SLC8A1: variants seen among roughly 807,000 people sequenced by gnomAD.
The protein encoded by SLC8A1 is solute carrier family 8 member A1, also known as sodium/calcium exchanger 1.
A neutral mutation model predicts 68.3 loss-of-function variants in SLC8A1; 18 were observed. The observed-to-expected ratio is 0.26, with a 90% CI of 0.18 to 0.39. The LOEUF (loss-of-function observed/expected upper bound fraction) is 0.39. Ranked by LOEUF, SLC8A1 falls within the 10% of genes least tolerant of loss-of-function variation. The pLI, the probability that SLC8A1 is intolerant of heterozygous loss-of-function variation, is 1.00. For missense variants in SLC8A1, 985 were observed against 1,156.7 expected, an observed-to-expected ratio of 0.85 and a Z score of 2.15; for synonymous variants, 475 against 415.5, an observed-to-expected ratio of 1.14 and a Z score of -1.74.
intron 2 of SLC8A1, among the ~76,000 whole-genome samples, chr2:40,328,816 A>G (rs372441233): frequency 1.5e-4 from 23 of 152,158 alleles, no homozygotes; most frequent in African/African-American, 5.1e-4. Flanking sequence ...CACCTGGACT[A>G]TTGCAAGGGC....
chr2:40,325,639 A>AT, intron 2 of SLC8A1, among the ~76,000 whole-genome samples: 1 of 152,122 alleles, frequency 6.6e-6, no homozygotes, highest in Non-Finnish European at 1.5e-5. Context: ...GATTTCAGTC[A>AT]TAAAAAATAA....
At chr2:40,355,484 G>A (rs1672384535) in intron 2 of SLC8A1, among the ~76,000 whole-genome samples, 1 of 152,084 alleles carries the variant, frequency 6.6e-6, no homozygotes, top group African/African-American at 2.4e-5. Context: ...GGGAGAGACA[G>A]CACTTCTATC....
chr2:40,482,309 G>A (rs1251188248), intron 1 of SLC8A1, among the ~76,000 whole-genome samples: 1 of 143,828 alleles, frequency 7.0e-6, no homozygotes, highest in Non-Finnish European at 1.6e-5. Context: ...CTCTGACTCA[G>A]TGCAGAACTG....
chr2:40,442,352 C>G (rs1311330967), intron 1 of SLC8A1, among the ~76,000 whole-genome samples: 3 of 146,042 alleles, frequency 2.1e-5, no homozygotes, highest in Non-Finnish European at 4.5e-5. Context: ...TCTACCCAAT[C>G]TGACAAAGGT....
intron 1 of SLC8A1, among the ~76,000 whole-genome samples, chr2:40,442,084 G>A (rs1473682232): frequency 1.3e-5 from 2 of 148,228 alleles, no homozygotes; most frequent in Non-Finnish European, 3.0e-5. Flanking sequence ...AGCATTAGGA[G>A]ATATACCTAA....
At chr2:40,281,384 T>G (rs1448224685) in intron 2 of SLC8A1, among the ~76,000 whole-genome samples, 1 of 152,184 alleles carries the variant, frequency 6.6e-6, no homozygotes, top group African/African-American at 2.4e-5. Context: ...GCAACACTGT[T>G]GGTCAGCATT....
chr2:40,304,573 T>C lies in SLC8A1; in HGVS notation c.1808+123900A>G, dbSNP rs116135671. ...TTTGGCCTCTCCTGGGTTTGGCACA[T>C]GGCCTGTCCTTTCCCATTGTCAGCC... is the stretch of plus-strand genomic sequence containing the variant. On this transcript the variant is annotated intron_variant, in intron 2 of 7. Transcript: ENST00000406785. Among the ~76,000 whole-genome samples the C allele has an allele frequency of 5.8e-3, 886 of 152,272 alleles. 14 individuals carry two copies. The highest frequency in any genetic ancestry group is 0.02 in the African/African-American group (829 of 41,554).
intron 2 of SLC8A1, among the ~76,000 whole-genome samples, chr2:40,364,695 T>A (rs1675578196): frequency 6.6e-6 from 1 of 152,022 alleles, no homozygotes; most frequent in African/African-American, 2.4e-5. Flanking sequence ...TGAGAAAAAA[T>A]TTAACTCCAT....
At chr2:40,198,377 A>G (rs1020987104) in intron 2 of SLC8A1, among the ~76,000 whole-genome samples, 8 of 151,938 alleles carry the variant, frequency 5.3e-5, no homozygotes, top group African/African-American at 1.9e-4. Context: ...CCAAGCCTAG[A>G]AAGATGATAT....
intron 2 of SLC8A1, among the ~76,000 whole-genome samples, chr2:40,359,032 C>T (rs1047018659): frequency 6.6e-6 from 1 of 151,816 alleles, no homozygotes; most frequent in South Asian, 2.1e-4. Context: ...GGAGACAACA[C>T]GGTGATTGGA....
In SLC8A1 at chr2:40,203,023, G is replaced by A. The variant is rs1020743213; in HGVS notation, c.1809-25168C>T. On this transcript the variant is annotated intron_variant, in intron 2 of 7. Transcript: ENST00000406785. ...ACTCAGTGACTCTACAGCCATGCTA[G>A]GCTTGGAGCCCACTCAGACAACAAC... Among the ~76,000 whole-genome samples, 6 of 152,076 alleles carry A rather than the reference G, an allele frequency of 3.9e-5. No individual in the cohort carries two copies. The South Asian group carries it at 1.0e-3, about 26-fold the overall frequency.
chr2:40,501,444 T>A (rs1298392801), intron 1 of SLC8A1, among the ~76,000 whole-genome samples: 1 of 152,126 alleles, frequency 6.6e-6, no homozygotes, highest in Non-Finnish European at 1.5e-5. Context: ...TTTTAAATAA[T>A]GTTGTCAAGT....
At chr2:40,319,041 T>C (rs180766486) in intron 2 of SLC8A1, among the ~76,000 whole-genome samples, 45 of 152,148 alleles carry the variant, frequency 3.0e-4, no homozygotes, top group African/African-American at 1.1e-3. Context: ...ATTTGGAAAG[T>C]GAGACAGGAA....
intron 2 of SLC8A1, among the ~76,000 whole-genome samples, chr2:40,354,106 A>T (rs1415243043): frequency 6.6e-6 from 1 of 152,164 alleles, no homozygotes; most frequent in African/African-American, 2.4e-5. Context: ...AATTAGGTTA[A>T]ATATTTTCAG....
intron 2 of SLC8A1, among the ~76,000 whole-genome samples, chr2:40,335,902 T>A (rs1237530603): frequency 6.6e-6 from 1 of 152,172 alleles, no homozygotes; most frequent in African/African-American, 2.4e-5. Flanking sequence ...GTGAATTAAG[T>A]TTAGAAAGCA....
intron 6 of SLC8A1, among the ~76,000 whole-genome samples, chr2:40,145,554 A>ATGC (rs2042305579): frequency 6.6e-6 from 1 of 152,190 alleles, no homozygotes; most frequent in Non-Finnish European, 1.5e-5. Context: ...TTGCAACCTG[A>ATGC]CATACAGTAA....
At chr2:40,244,296 A>G (rs528982415) in intron 2 of SLC8A1, among the ~76,000 whole-genome samples, 1 of 152,274 alleles carries the variant, frequency 6.6e-6, no homozygotes, top group African/African-American at 2.4e-5. Flanking sequence ...GCCATCATTT[A>G]CTGAGCATCT....
At chr2:40,282,724 G>A (rs987157298) in intron 2 of SLC8A1, among the ~76,000 whole-genome samples, 4 of 152,198 alleles carry the variant, frequency 2.6e-5, no homozygotes, top group South Asian at 2.1e-4. Context: ...ATTTTAAAGA[G>A]TGTCATCATT....
intron 2 of SLC8A1, among the ~76,000 whole-genome samples, chr2:40,346,821 G>T (rs1011821152): frequency 3.9e-5 from 6 of 152,072 alleles, no homozygotes; most frequent in African/African-American, 1.4e-4. Context: ...TTCTAGTTTG[G>T]AATAATTTTA....
Sources: gnomAD v4.1 joint callset for allele counts (sites outside exome capture counted in the v4.1 genomes callset) on GRCh38, gnomAD v4.1.1 for gene constraint, MANE v1.5 for transcripts, NCBI Gene and HGNC (gene_info 2026-07-23, HGNC 2026-07-21) for gene names.